F2RL2: variants seen among roughly 807,000 people sequenced by gnomAD.
The protein encoded by F2RL2 is proteinase-activated receptor 3.
A neutral mutation model predicts 4.3 loss-of-function variants in F2RL2; 4 were observed. The observed-to-expected ratio is 0.93, with a 90% CI of 0.46 to 2.12. F2RL2 has a LOEUF of 2.12. Ranked by LOEUF, F2RL2 falls within the 30% of genes most tolerant of loss-of-function variation. The pLI, the probability that F2RL2 is intolerant of heterozygous loss-of-function variation, is 0.02. For synonymous variants in F2RL2, 166 were observed against 170.9 expected (o/e 0.97, Z 0.22); for missense variants, 408 against 449.3 (o/e 0.91, Z 0.83).
In F2RL2 at chr5:76,618,293, T is replaced by G; in HGVS notation, c.414A>C (p.Ala138=). 1 of 1,614,184 alleles carries G rather than the reference T, an allele frequency of 6.2e-7. No individual in the cohort carries two copies. The highest frequency in any genetic ancestry group is 1.1e-5 in the South Asian group (1 of 91,088). ...TTVFYTNLAI[A]DFLFCVTLPF... ...GCAATGTAACACAAAAAAGAAAATC[T>G]GCAATGGCCAGGTTGGTGTAGAATA... The change falls in exon 2 of 2, where the codon GCA becomes GCC. Residue 138 remains alanine (A), a synonymous_variant. Coordinates refer to ENST00000296641, the MANE Select transcript of F2RL2 (RefSeq NM_004101.4).
At chr5:76,623,062 G>T in intron 1 of F2RL2, 105 bp downstream of exon 1, 2 of 977,592 alleles carry the variant, frequency 2.0e-6, no homozygotes, top group Non-Finnish European at 3.2e-6. Flanking sequence ...AACTGCCTTT[G>T]GGGTTTACAG....
In F2RL2 at chr5:76,618,510, A is replaced by C; in HGVS notation, c.197T>G (p.Val66Gly). 1 of 1,614,156 alleles carries C rather than the reference A, an allele frequency of 6.2e-7. No individual in the cohort carries two copies. Among genetic ancestry groups the C allele is most frequent in the Non-Finnish European group, 8.5e-7 (1 of 1,180,022 alleles). The change falls in exon 2 of 2, where the codon GTA becomes GGA. Residue 66 changes from valine (V) to glycine (G), a missense_variant. Coordinates refer to ENST00000296641, the MANE Select transcript of F2RL2 (RefSeq NM_004101.4). ...ACTTTCTTCAGGGCACTTAATTTTT[A>C]CAGTAATCGTGGCTCCTGTCCAGCC... ...LEGWTGATITVKIKCPEESAS... is the reference protein window; with the variant it reads ...LEGWTGATITGKIKCPEESAS...
chr5:76,618,801 C>A (rs951745690), intron 1 of F2RL2, among the ~76,000 whole-genome samples, 159 bp from the exon 2 acceptor site: 6 of 152,136 alleles, frequency 3.9e-5, no homozygotes, highest in African/African-American at 1.4e-4. Flanking sequence ...ATATTTAATA[C>A]ATATCATATG....
chr5:76,617,785 C>T lies in F2RL2; in HGVS notation c.922G>A (p.Val308Met), dbSNP rs757538626. The part of the protein sequence containing the change: ...WYVKASLLIL[V>M]IFTICFAPSN... ...GGAGCAAAGCAAATGGTAAAAATCA[C>T]AAGGATGAGGAGACTCGCCTTAACA... Residue 308 changes from valine to methionine, a missense_variant, in exon 2 of 2, where the codon GTG (valine) becomes ATG (methionine). Coordinates refer to ENST00000296641, the MANE Select transcript of F2RL2 (RefSeq NM_004101.4). 2.2e-5 allele frequency: 36 copies of T among 1,613,412 alleles called. No homozygotes were observed. Among genetic ancestry groups the T allele is most frequent in the Non-Finnish European group, 2.1e-5 (25 of 1,179,694 alleles).
chr5:76,617,548 G>A lies in F2RL2; in HGVS notation c.*34C>T. ...TTGTTCTTGAAAACAGACGTTCTCTGTGATGGCTGTCCTTGTTCTCTAAGA... is the reference window on the plus strand; with the variant it reads ...TTGTTCTTGAAAACAGACGTTCTCTATGATGGCTGTCCTTGTTCTCTAAGA... On this transcript the variant is annotated 3_prime_UTR_variant, in exon 2 of 2. Transcript: ENST00000296641. The A allele has an allele frequency of 6.5e-7, 1 of 1,527,046 alleles. No homozygotes were observed. Among genetic ancestry groups the A allele is most frequent in the Non-Finnish European group, 8.9e-7 (1 of 1,121,658 alleles). 94.6% of individuals were successfully genotyped at this position (1,527,046 alleles called of 1,614,324 possible). A position where few individuals can be genotyped will look rare whatever the true frequency, so the allele number is the denominator to read the frequency against.
intron 1 of F2RL2, among the ~76,000 whole-genome samples, chr5:76,622,771 G>T (rs1192387706): frequency 6.6e-6 from 1 of 152,108 alleles, no homozygotes; most frequent in African/African-American, 2.4e-5. Flanking sequence ...CAGTATTCTT[G>T]TTTCTCCCAT....
At position 76,617,830 on chromosome 5, in the gene F2RL2, C is replaced by G. The variant is rs1270688227; in HGVS notation, c.877G>C (p.Asp293His). 6.2e-7 allele frequency: 1 copy of G among 1,613,852 alleles called. No homozygotes were observed. The highest frequency in any genetic ancestry group is 8.5e-7 in the Non-Finnish European group (1 of 1,179,910). ...TTAACATACCACAACCATCTATGATCGTATGCATTAAGTGTCCGGATGATG... is the reference window on the plus strand; with the variant it reads ...TTAACATACCACAACCATCTATGATGGTATGCATTAAGTGTCCGGATGATG... ...AAIIRTLNAY[D>H]HRWLWYVKAS... Residue 293 changes from aspartate to histidine, a missense_variant, in exon 2 of 2, where the codon GAT becomes CAT. Asp to His is a moderately conservative substitution (Grantham distance 81). Transcript: ENST00000296641.
chr5:76,618,080 A>G lies in F2RL2; in HGVS notation c.627T>C (p.Tyr209=), dbSNP rs1749179278. The G allele has an allele frequency of 2.5e-6, 4 of 1,614,170 alleles. No homozygotes were observed. Among genetic ancestry groups the G allele is most frequent in the Non-Finnish European group, 3.4e-6 (4 of 1,180,028 alleles). Residue 209 remains tyrosine (Y), a synonymous_variant, in exon 2 of 2, where the codon TAT becomes TAC. Transcript: ENST00000296641. The part of the protein sequence containing the change: ...FTYRGLPKHT[Y]ALVTCGLVWA... ...ACACCAGTCCACATGTTACCAAGGC[A>G]TAGGTGTGCTTGGGCAGGCCCCGGT...
intron 1 of F2RL2, among the ~76,000 whole-genome samples, chr5:76,621,677 G>T (rs1353366760): frequency 1.3e-5 from 2 of 152,182 alleles, no homozygotes; most frequent in African/African-American, 4.8e-5. Flanking sequence ...TGGAAAAGTT[G>T]ATTTGATTCC....
At position 76,618,330 on chromosome 5, in the gene F2RL2, A is replaced by G; in HGVS notation, c.377T>C (p.Ile126Thr). The G allele has an allele frequency of 6.2e-7, 1 of 1,614,220 alleles. No individual in the cohort carries two copies. The highest frequency in any genetic ancestry group is 8.5e-7 in the Non-Finnish European group (1 of 1,180,030). The change falls in exon 2 of 2, where the codon ATC becomes ACC. Residue 126 changes from isoleucine (I) to threonine (T), a missense_variant. Ile to Thr is a moderately conservative substitution (Grantham distance 89). Coordinates refer to ENST00000296641, the MANE Select transcript of F2RL2 (RefSeq NM_004101.4). Reference protein sequence around the residue: ...LWMLFFRTRSICTTVFYTNLA... With the variant: ...LWMLFFRTRSTCTTVFYTNLA... Reference sequence around the variant, plus strand: ...GTTGGTGTAGAATACAGTGGTACAGATGGATCTGGTCCTGAAGAAAAGCAT... The same window carrying G: ...GTTGGTGTAGAATACAGTGGTACAGGTGGATCTGGTCCTGAAGAAAAGCAT...
rs1748989272 is a variant in F2RL2, at chr5:76,616,564, G to A, written c.*1018C>T. ...CAGTGGAGAGAATGGTTAGAAGGTA[G>A]AGGTGGCCTGGACGTAGTGGCTCAT... On this transcript the variant is annotated 3_prime_UTR_variant, in exon 2 of 2. Transcript: ENST00000296641. 6.5e-6 allele frequency: 1 copy of A among 153,186 alleles called. No homozygotes were observed. Among genetic ancestry groups the A allele is most frequent in the Admixed American group, 6.6e-5 (1 of 15,262 alleles). The allele number at this position is 153,186 out of a possible 1,614,324, so 9.5% of individuals were successfully genotyped here. A position where few individuals can be genotyped will look rare whatever the true frequency, so the allele number is the denominator to read the frequency against.
chr5:76,619,717 A>G (rs1875503), intron 1 of F2RL2, among the ~76,000 whole-genome samples: 54,260 of 151,574 alleles, frequency 0.36, 11,078 homozygotes, highest in Non-Finnish European at 0.48. Context: ...ACAGGGTTTC[A>G]CCATGTTAGC....
chr5:76,617,625 A>G lies in F2RL2; in HGVS notation c.1082T>C (p.Met361Thr). ...SCLDPFLYFL[M>T]SKTRNHSTAY... is the part of the protein sequence containing the mutation. Reference sequence around the variant, plus strand: ...AGTGGAGTGATTTCTGGTTTTTGACATGAGAAAATAAAGGAATGGATCTAA... The same window carrying G: ...AGTGGAGTGATTTCTGGTTTTTGACGTGAGAAAATAAAGGAATGGATCTAA... The change falls in exon 2 of 2, where the codon ATG becomes ACG. Residue 361 changes from methionine (M) to threonine (T), a missense_variant. Met to Thr is a moderately conservative substitution (Grantham distance 81, BLOSUM62 -1). Coordinates refer to ENST00000296641, the MANE Select transcript of F2RL2 (RefSeq NM_004101.4). The G allele has an allele frequency of 6.2e-7, 1 of 1,613,514 alleles. No individual in the cohort carries two copies. Among genetic ancestry groups the G allele is most frequent in the Non-Finnish European group, 8.5e-7 (1 of 1,179,838 alleles).
At chr5:76,618,777 C>T in intron 1 of F2RL2, 135 bp from the exon 2 acceptor site, 2 of 785,066 alleles carry the variant, frequency 2.5e-6, no homozygotes. Flanking sequence ...GTAGATTAGG[C>T]AGTCAACAAG....
chr5:76,619,905 G>A (rs1263623655), intron 1 of F2RL2, among the ~76,000 whole-genome samples: 1 of 152,116 alleles, frequency 6.6e-6, no homozygotes, highest in African/African-American at 2.4e-5. Flanking sequence ...AAGGTAAGAG[G>A]GTTGTCAAAG....
In F2RL2 at chr5:76,615,626, A is replaced by C. The variant is rs1748878287; in HGVS notation, c.*1956T>G. On this transcript the variant is annotated 3_prime_UTR_variant, in exon 2 of 2. Transcript: ENST00000296641. Reference sequence around the variant, plus strand: ...CCATTTATATTCACTACTATCATTCACTCTTTACCACTAATATCTTCCCTG... The same window carrying C: ...CCATTTATATTCACTACTATCATTCCCTCTTTACCACTAATATCTTCCCTG... 1 of 151,976 alleles carries C rather than the reference A, an allele frequency of 6.6e-6. No homozygotes were observed. The highest frequency in any genetic ancestry group is 2.4e-5 in the African/African-American group (1 of 41,358). The allele number at this position is 151,976 out of a possible 1,614,324, so 9.4% of individuals were successfully genotyped here.
chr5:76,621,167 G>C (rs1195783581), intron 1 of F2RL2, among the ~76,000 whole-genome samples: 1 of 152,102 alleles, frequency 6.6e-6, no homozygotes, highest in African/African-American at 2.4e-5. Context: ...GTTTCATTCA[G>C]AGCCAGTTTC....
At position 76,617,801 on chromosome 5, in the gene F2RL2, C is replaced by T. The variant is rs768418391; in HGVS notation, c.906G>A (p.Ala302=). 15 of 1,613,582 alleles carry T rather than the reference C, an allele frequency of 9.3e-6. 1 individual carries two copies. The Middle Eastern group carries it at 1.2e-3, about 124-fold the overall frequency. ...TAAAAATCACAAGGATGAGGAGACT[C>T]GCCTTAACATACCACAACCATCTAT... ...YDHRWLWYVK[A]SLLILVIFTI... The change falls in exon 2 of 2, where the codon GCG becomes GCA. Residue 302 remains alanine (A), a synonymous_variant. Transcript: ENST00000296641.
At chr5:76,620,957 A>T (rs2069660) in intron 1 of F2RL2, among the ~76,000 whole-genome samples, 2,262 of 152,340 alleles carry the variant, frequency 0.015, 53 homozygotes, top group African/African-American at 0.052. Context: ...TTATTATTAT[A>T]TAACTTTTTG....
Sources: allele counts gnomAD v4.1 joint callset (sites outside exome capture counted in the v4.1 genomes callset), GRCh38; gene constraint gnomAD v4.1.1; transcripts MANE v1.5; gene names NCBI Gene and HGNC (gene_info 2026-07-23, HGNC 2026-07-21).